Variants in CRACD observed in about 807,000 individuals in gnomAD.
CRACD encodes the protein capping protein inhibiting regulator of actin dynamics, also known as capping protein-inhibiting regulator of actin dynamics.
In CRACD, 56 loss-of-function variants were observed where a neutral mutation model predicts 106.8. That is an observed-to-expected ratio of 0.52 (90% confidence interval 0.42 to 0.66). The LOEUF (loss-of-function observed/expected upper bound fraction) is 0.66, where lower values mean the gene tolerates loss of function less well. Ranked by LOEUF, CRACD falls within the 30% of genes least tolerant of loss-of-function variation. The probability of loss-of-function intolerance (pLI) is 0.00; values close to 1 mark genes in which losing one functional copy is unlikely to be tolerated. For missense variants in CRACD, 1,730 were observed against 1,623.2 expected (o/e 1.07, Z -1.13); for synonymous variants, 754 against 670.8 (o/e 1.12, Z -1.92).
At chr4:56,188,711 C>CACAGAGAG (rs1446016845) in intron 2 of CRACD, among the ~76,000 whole-genome samples, 4 of 113,110 alleles carry the variant, frequency 3.5e-5, no homozygotes, top group Admixed American at 8.6e-5. Flanking sequence ...CACACACACA[C>CACAGAGAG]AGAGAGAGAG....
In CRACD at chr4:56,316,339, C is replaced by T. The variant is rs755730700; in HGVS notation, c.2837C>T (p.Pro946Leu). 2.5e-5 allele frequency: 41 copies of T among 1,614,030 alleles called. No individual in the cohort carries two copies. The African/African-American group carries it at 3.9e-4, about 15-fold the overall frequency. The change falls in exon 8 of 11, where the codon CCG (proline) becomes CTG (leucine). Residue 946 changes from proline (P) to leucine (L), a missense_variant. Physicochemically the swap from Pro to Leu is moderately conservative, Grantham distance 98. Coordinates refer to ENST00000682029, the MANE Select transcript of CRACD (RefSeq NM_001393381.1). ...PPPASSQTPA[P>L]EHDKAANKMP... ...CCGGCCAGCAGCCAGACCCCGGCTC[C>T]GGAGCACGACAAGGCAGCAAACAAA...
intron 1 of CRACD, among the ~76,000 whole-genome samples, chr4:56,105,954 A>G (rs902842080): frequency 1.3e-5 from 2 of 151,078 alleles, no homozygotes; most frequent in Admixed American, 6.6e-5. Context: ...AGTTTCTCTA[A>G]GTAATCCCTT....
chr4:56,319,921 C>A (rs988382154), intron 8 of CRACD, among the ~76,000 whole-genome samples: 4 of 152,124 alleles, frequency 2.6e-5, no homozygotes, highest in Non-Finnish European at 5.9e-5. Flanking sequence ...CACCTATAAT[C>A]CCACAGTTTG....
At chr4:56,188,517 A>G (rs1171734913) in intron 2 of CRACD, among the ~76,000 whole-genome samples, 2 of 151,898 alleles carry the variant, frequency 1.3e-5, no homozygotes, top group East Asian at 3.9e-4. Flanking sequence ...TAAAGGATAA[A>G]TTCAACACCA....
intron 1 of CRACD, among the ~76,000 whole-genome samples, chr4:56,057,009 G>A (rs1044364112): frequency 8.5e-5 from 13 of 152,194 alleles, no homozygotes; most frequent in East Asian, 1.9e-4. Context: ...TTGATTACAC[G>A]TTGAAGTAAT....
At chr4:56,217,648 A>G in intron 2 of CRACD, among the ~76,000 whole-genome samples, 1 of 152,184 alleles carries the variant, frequency 6.6e-6, no homozygotes. Context: ...TATCAGACTT[A>G]AAGAGTCCGT....
intron 1 of CRACD, among the ~76,000 whole-genome samples, chr4:56,159,492 A>G (rs563072057): frequency 1.3e-5 from 2 of 152,208 alleles, no homozygotes; most frequent in South Asian, 2.1e-4. Context: ...TACTAAAAAT[A>G]CAAAACAAAA....
At chr4:56,257,282 A>G (rs1031342961) in intron 2 of CRACD, among the ~76,000 whole-genome samples, 2 of 152,000 alleles carry the variant, frequency 1.3e-5, no homozygotes, top group African/African-American at 4.8e-5. Context: ...AGGTTTTGCC[A>G]TACTGGCCAG....
chr4:56,272,643 C>T (rs961485334), intron 3 of CRACD, among the ~76,000 whole-genome samples, 151 bp downstream of exon 3: 7 of 152,040 alleles, frequency 4.6e-5, no homozygotes, highest in Non-Finnish European at 1.0e-4. Flanking sequence ...GTAATCCCAA[C>T]GCTTTGGGAG....
At position 56,294,733 on chromosome 4, in the gene CRACD, G is replaced by A. The variant is rs634980; in HGVS notation, c.-16-3481G>A. The stretch of plus-strand genomic sequence containing the variant: ...GTTCTATACCAGCCTGGCCAACATG[G>A]CAAAACCCCATCTCTACCAAAAATA... On this transcript the variant is annotated intron_variant, in intron 3 of 10. Transcript: ENST00000682029. 3.1e-3 allele frequency among the ~76,000 whole-genome samples: 471 copies of A among 151,974 alleles called. 2 individuals are homozygous for A. Among genetic ancestry groups the A allele is most frequent in the African/African-American group, 0.011 (455 of 41,450 alleles).
At chr4:56,062,716 T>C (rs1301752488) in intron 1 of CRACD, among the ~76,000 whole-genome samples, 1 of 152,238 alleles carries the variant, frequency 6.6e-6, no homozygotes, top group Non-Finnish European at 1.5e-5. Context: ...TTTCCTTGGA[T>C]GGGAGTTCAC....
chr4:56,149,942 G>A (rs1215895127), intron 1 of CRACD, among the ~76,000 whole-genome samples: 1 of 152,198 alleles, frequency 6.6e-6, no homozygotes, highest in East Asian at 1.9e-4. Flanking sequence ...CATATTGATT[G>A]GAGGACTGAA....
intron 1 of CRACD, among the ~76,000 whole-genome samples, chr4:56,164,613 A>G (rs767236500): frequency 2.0e-5 from 3 of 152,150 alleles, no homozygotes; most frequent in Non-Finnish European, 4.4e-5. Flanking sequence ...GAGCAAAACT[A>G]TAGGGACAGA....
chr4:56,133,268 A>G (rs1324734297), intron 1 of CRACD, among the ~76,000 whole-genome samples: 1 of 152,212 alleles, frequency 6.6e-6, no homozygotes. Flanking sequence ...GTAGTAATAT[A>G]TAGATGTGAA....
chr4:56,133,931 G>A (rs1734909486), intron 1 of CRACD, among the ~76,000 whole-genome samples: 1 of 152,134 alleles, frequency 6.6e-6, no homozygotes, highest in South Asian at 2.1e-4. Context: ...GCGGGGCGGG[G>A]TGGCTCACAC....
At chr4:56,140,960 A>C (rs1735174975) in intron 1 of CRACD, among the ~76,000 whole-genome samples, 1 of 152,222 alleles carries the variant, frequency 6.6e-6, no homozygotes, top group Non-Finnish European at 1.5e-5. Context: ...TGAATGAATG[A>C]GAGAATCAGA....
intron 1 of CRACD, among the ~76,000 whole-genome samples, chr4:56,178,074 G>T (rs570501414): frequency 2.0e-5 from 3 of 151,992 alleles, no homozygotes; most frequent in Non-Finnish European, 4.4e-5. Context: ...TGCTTTTCTA[G>T]TTCTGTAAGG....
At chr4:56,111,300 T>C (rs1342899239) in intron 1 of CRACD, among the ~76,000 whole-genome samples, 1 of 152,084 alleles carries the variant, frequency 6.6e-6, no homozygotes, top group Non-Finnish European at 1.5e-5. Flanking sequence ...TTCGAAGATA[T>C]GGAAGTCAGT....
At chr4:56,271,670 C>T (rs1742355791) in intron 2 of CRACD, among the ~76,000 whole-genome samples, 1 of 152,172 alleles carries the variant, frequency 6.6e-6, no homozygotes, top group African/African-American at 2.4e-5. Context: ...GCAGGCACTG[C>T]CTTATTGCAT....
Sources: allele counts gnomAD v4.1 joint callset (sites outside exome capture counted in the v4.1 genomes callset), GRCh38; gene constraint gnomAD v4.1.1; transcripts MANE v1.5; gene names NCBI Gene and HGNC (gene_info 2026-07-23, HGNC 2026-07-21).